The following MGMT variants were observed in gnomAD, a reference collection of about 807,000 sequenced individuals.
The protein encoded by MGMT is methylated-DNA--protein-cysteine methyltransferase.
Under a neutral mutation model 15.9 loss-of-function variants are expected in MGMT, and 14 were observed. The ratio of observed to expected loss-of-function variants is 0.88; its 90% CI spans 0.58 to 1.37. The LOEUF (loss-of-function observed/expected upper bound fraction) is 1.37, where lower values mean the gene tolerates loss of function less well. MGMT is among the 40% of genes most tolerant of loss of function. The probability of loss-of-function intolerance (pLI) is 0.00; values close to 1 mark genes in which losing one functional copy is unlikely to be tolerated. For synonymous variants in MGMT, 130 were observed against 118.2 expected (o/e 1.10, Z -0.65); for missense variants, 282 against 268.1 (o/e 1.05, Z -0.36).
intron 2 of MGMT, among the ~76,000 whole-genome samples, chr10:129,667,753 C>G (rs563517898): frequency 3.5e-4 from 54 of 152,192 alleles, no homozygotes; most frequent in African/African-American, 1.2e-3. Context: ...TTGCTCCACT[C>G]GGGTGCCCGT....
At position 129,566,040 on chromosome 10, in the gene MGMT, G is replaced by A. The variant is rs923789963; in HGVS notation, c.125+29663G>A. Reference sequence around the variant, plus strand: ...CAGTTCAGGTTCGTAGGCCACTCTTGCAGCTCTGTTCCTTCTTCAGCTCCT... The same window carrying A: ...CAGTTCAGGTTCGTAGGCCACTCTTACAGCTCTGTTCCTTCTTCAGCTCCT... On this transcript the variant is annotated intron_variant, in intron 2 of 4. Coordinates refer to ENST00000651593, the MANE Select transcript of MGMT (RefSeq NM_002412.5). The surrounding 1 kb of genome is among the most constrained non-coding windows in gnomAD (Gnocchi z 4.1). 6.6e-6 allele frequency among the ~76,000 whole-genome samples: 1 copy of A among 152,202 alleles called. No homozygotes were observed. Among genetic ancestry groups the A allele is most frequent in the Non-Finnish European group, 1.5e-5 (1 of 68,040 alleles).
intron 1 of MGMT, among the ~76,000 whole-genome samples, chr10:129,529,278 A>AT (rs1174291837): frequency 6.6e-6 from 1 of 152,090 alleles, no homozygotes; most frequent in East Asian, 1.9e-4. Context: ...GGGGTCCCCA[A>AT]TTTTTTTGGC....
At chr10:129,640,892 T>TA (rs1847321148) in intron 2 of MGMT, among the ~76,000 whole-genome samples, 1 of 152,172 alleles carries the variant, frequency 6.6e-6, no homozygotes, top group Non-Finnish European at 1.5e-5. Flanking sequence ...CCTGATTTGA[T>TA]AAAAAGGAAT....
chr10:129,506,688 C>T (rs544716335), intron 1 of MGMT, among the ~76,000 whole-genome samples: 3 of 152,254 alleles, frequency 2.0e-5, no homozygotes, highest in Admixed American at 6.5e-5. Flanking sequence ...CCGCTCTATC[C>T]GAAAGAGTCG....
intron 3 of MGMT, among the ~76,000 whole-genome samples, chr10:129,712,488 G>T (rs938769291): frequency 6.6e-6 from 1 of 152,124 alleles, no homozygotes; most frequent in African/African-American, 2.4e-5. Flanking sequence ...CTATTATAGA[G>T]CCTCAGAAAG....
At chr10:129,547,096 A>T (rs1272405121) in intron 2 of MGMT, among the ~76,000 whole-genome samples, 1 of 152,182 alleles carries the variant, frequency 6.6e-6, no homozygotes, top group Non-Finnish European at 1.5e-5. Context: ...TGTTCTTCTG[A>T]CAAGGACGTT....
intron 2 of MGMT, among the ~76,000 whole-genome samples, chr10:129,599,981 G>A (rs1589887328): frequency 6.6e-6 from 1 of 151,438 alleles, no homozygotes; most frequent in Non-Finnish European, 1.5e-5. Flanking sequence ...TAAGTAGGTA[G>A]GTAGGTAGGT....
At chr10:129,612,830 C>A (rs920641276) in intron 2 of MGMT, among the ~76,000 whole-genome samples, 1 of 152,150 alleles carries the variant, frequency 6.6e-6, no homozygotes, top group Non-Finnish European at 1.5e-5. Context: ...ATTTTTATTT[C>A]TTTAAACAGG....
rs149369483 is a variant in MGMT, at chr10:129,551,846, G to A, written c.125+15469G>A. 5.9e-5 allele frequency among the ~76,000 whole-genome samples: 9 copies of A among 152,252 alleles called. 1 individual carries two copies. Among genetic ancestry groups the A allele is most frequent in the Middle Eastern group, 3.4e-3 (1 of 294 alleles). ...AGCCTCCTGTGCCTGGCCTGCGCTC[G>A]CCTGGGAAGGGCACCCCTCGCTGTC... is the stretch of plus-strand genomic sequence containing the variant. On this transcript the variant is annotated intron_variant, in intron 2 of 4. Coordinates refer to ENST00000651593, the MANE Select transcript of MGMT (RefSeq NM_002412.5).
intron 2 of MGMT, among the ~76,000 whole-genome samples, chr10:129,651,580 T>C (rs1158129591): frequency 4.6e-5 from 7 of 152,176 alleles, no homozygotes; most frequent in African/African-American, 1.7e-4. Flanking sequence ...CTGGAAGACA[T>C]AATCCCCCAA....
In MGMT at chr10:129,659,224, G is replaced by A. The variant is rs887016839; in HGVS notation, c.126-48671G>A. ...ATACAAAACTTACCTGGGCATGGTG[G>A]TGCACACCCGTAGTCTCAGCTACTC... On this transcript the variant is annotated intron_variant, in intron 2 of 4. Transcript: ENST00000651593. This position sits in a 1 kb window ranked among gnomAD's most constrained non-coding sequence, Gnocchi z 4.1. Among the ~76,000 whole-genome samples the A allele has an allele frequency of 6.6e-6, 1 of 152,204 alleles. No individual in the cohort carries two copies. The highest frequency in any genetic ancestry group is 3.4e-3 in the Middle Eastern group (1 of 294).
intron 1 of MGMT, among the ~76,000 whole-genome samples, chr10:129,471,078 C>T (rs745688163): frequency 7.2e-5 from 11 of 152,142 alleles, no homozygotes; most frequent in African/African-American, 1.4e-4. Context: ...TGGGGGACAC[C>T]GAATGGATAG....
chr10:129,757,182 A>C (rs1248091893), intron 3 of MGMT, among the ~76,000 whole-genome samples: 3 of 152,238 alleles, frequency 2.0e-5, no homozygotes, highest in African/African-American at 7.2e-5. Context: ...CCCATGAGAA[A>C]CTGACAATGA....
intron 2 of MGMT, among the ~76,000 whole-genome samples, chr10:129,646,754 A>ATATATTTTTTTTTTTTTTTTTT: frequency 1.7e-3 from 147 of 86,502 alleles, no homozygotes; most frequent in Non-Finnish European, 3.2e-3. Context: ...ATATATATAT[A>ATATATTTTTTTTTTTTTTTTTT]TTTTCAGGGA....
rs1182726138 is a variant in MGMT at position 129,659,460 on chromosome 10, G to A, written c.126-48435G>A. Among the ~76,000 whole-genome samples, 1 of 152,120 alleles carries A rather than the reference G, an allele frequency of 6.6e-6. No individual in the cohort carries two copies. Among genetic ancestry groups the A allele is most frequent in the Non-Finnish European group, 1.5e-5 (1 of 68,030 alleles). ...AACAGATCCTGCCTCTATCCACGGC[G>A]TAAGGGAGTTAGCTTCATGGCAAGC... is the stretch of plus-strand genomic sequence containing the variant. On this transcript the variant is annotated intron_variant, in intron 2 of 4. Coordinates refer to ENST00000651593, the MANE Select transcript of MGMT (RefSeq NM_002412.5). This position sits in a 1 kb window ranked among gnomAD's most constrained non-coding sequence, Gnocchi z 4.1.
At position 129,631,150 on chromosome 10, in the gene MGMT, C is replaced by CT. The variant is rs202003685; in HGVS notation, c.126-76734dup. 4.3e-3 allele frequency among the ~76,000 whole-genome samples: 624 copies of CT among 144,932 alleles called. 4 individuals are homozygous for CT. Among genetic ancestry groups the CT allele is most frequent in the African/African-American group, 0.011 (450 of 39,966 alleles). On this transcript the variant is annotated intron_variant, in intron 2 of 4. Coordinates refer to ENST00000651593, the MANE Select transcript of MGMT (RefSeq NM_002412.5). ...TATTTATGTTAATGAAACCAGTCTGCTTTTTTTTTTTGTTATTTTTGATGA... is the reference window on the plus strand; with the variant it reads ...TATTTATGTTAATGAAACCAGTCTGCTTTTTTTTTTTTGTTATTTTTGATGA...
At chr10:129,693,406 T>G (rs2133129588) in intron 2 of MGMT, among the ~76,000 whole-genome samples, 1 of 152,322 alleles carries the variant, frequency 6.6e-6, no homozygotes, top group Non-Finnish European at 1.5e-5. Flanking sequence ...AAGAATCCTT[T>G]CCTTTCAAAA....
rs374332313 is a variant in MGMT at position 129,520,819 on chromosome 10, G to A, written c.-12-15422G>A. On this transcript the variant is annotated intron_variant, in intron 1 of 4. Coordinates refer to ENST00000651593, the MANE Select transcript of MGMT (RefSeq NM_002412.5). ...TGCGGGTGCAGAGCCCCTACGGTGC[G>A]GGTACAGAACCCCTATGGTGCATGT... Among the ~76,000 whole-genome samples the A allele has an allele frequency of 1.9e-4, 28 of 147,034 alleles. 2 individuals carry two copies. In the South Asian group the frequency reaches 5.0e-3, roughly 26 times the overall value.
intron 2 of MGMT, among the ~76,000 whole-genome samples, chr10:129,661,886 A>G (rs986219980): frequency 1.3e-5 from 2 of 152,146 alleles, no homozygotes; most frequent in South Asian, 4.1e-4. Context: ...GTTTTTCTAC[A>G]TAGATGGTTT....
Sources: gnomAD v4.1 joint callset for allele counts (sites outside exome capture counted in the v4.1 genomes callset) on GRCh38, gnomAD v4.1.1 for gene constraint, Gnocchi (gnomAD v3.1) non-coding constraint, MANE v1.5 for transcripts, NCBI Gene and HGNC (gene_info 2026-07-23, HGNC 2026-07-21) for gene names.